The following ADGRD1 variants were observed in gnomAD, a reference collection of about 807,000 sequenced individuals.
ADGRD1 encodes adhesion G protein-coupled receptor D1.
In ADGRD1, 77 loss-of-function variants were observed where a neutral mutation model predicts 113.4. That is an observed-to-expected ratio of 0.68 (90% CI 0.57 to 0.82). ADGRD1 has a LOEUF of 0.82. Among genes scored for constraint, ADGRD1 ranks in the 40% least tolerant of loss-of-function variants. The pLI, the probability that ADGRD1 is intolerant of heterozygous loss-of-function variation, is 0.00. For missense variants in ADGRD1, 1,036 were observed against 1,139.1 expected (o/e 0.91, Z 1.30); for synonymous variants, 474 against 475.0 (o/e 1.00, Z 0.03).
At position 131,057,203 on chromosome 12, in the gene ADGRD1, A is replaced by G. The variant is rs1883942200; in HGVS notation, c.1474-19598A>G. ...GTGATAAACAGGTTTGAAGAACTGC[A>G]CGGAACGCTGCCTGGCGAGCGCCTG... On this transcript the variant is annotated intron_variant, in intron 13 of 24. Coordinates refer to ENST00000261654, the MANE Select transcript of ADGRD1 (RefSeq NM_198827.5). This position sits in a 1 kb window ranked among gnomAD's most constrained non-coding sequence, Gnocchi z 4.2. 6.6e-6 allele frequency among the ~76,000 whole-genome samples: 1 copy of G among 152,202 alleles called. No homozygotes were observed.
intron 12 of ADGRD1, 29 bp downstream of exon 12, chr12:131,006,076 G>A (rs1877072819): frequency 1.9e-6 from 3 of 1,573,126 alleles, no homozygotes; most frequent in Non-Finnish European, 1.7e-6. Context: ...CAGCTCAGGG[G>A]CGTGGGTGTG....
At chr12:131,058,469 T>A (rs1260862144) in intron 13 of ADGRD1, among the ~76,000 whole-genome samples, 6 of 152,246 alleles carry the variant, frequency 3.9e-5, no homozygotes, top group Admixed American at 3.9e-4. Flanking sequence ...TTTCCACTGA[T>A]CTTTCTTCAT....
In ADGRD1 at chr12:131,057,007, T is replaced by C. The variant is rs1267513985; in HGVS notation, c.1474-19794T>C. ...GTTGACATTCGACAAATAGATGAGA[T>C]TTAGGATGCTGGGAAGGAGGGGGAG... On this transcript the variant is annotated intron_variant, in intron 13 of 24. Transcript: ENST00000261654. This position sits in a 1 kb window ranked among gnomAD's most constrained non-coding sequence, Gnocchi z 4.2. 6.6e-6 allele frequency among the ~76,000 whole-genome samples: 1 copy of C among 151,952 alleles called. No homozygotes were observed. Among genetic ancestry groups the C allele is most frequent in the African/African-American group, 2.4e-5 (1 of 41,342 alleles).
intron 2 of ADGRD1, chr12:130,957,070 CAT>C (rs111201119): frequency 0.12 from 18,404 of 152,474 alleles, 1,288 homozygotes; most frequent in African/African-American, 0.17. Context: ...TGCATCCACA[CAT>C]GTGTCCACAC....
intron 8 of ADGRD1, among the ~76,000 whole-genome samples, chr12:130,996,242 T>C (rs1593319121): frequency 7.0e-6 from 1 of 143,108 alleles, no homozygotes; most frequent in East Asian, 2.0e-4. Flanking sequence ...CCCTTTCTAT[T>C]CCACAAAGCC....
intron 15 of ADGRD1, among the ~76,000 whole-genome samples, chr12:131,099,826 A>T (rs73149908): frequency 0.27 from 40,654 of 152,184 alleles, 6,085 homozygotes; most frequent in South Asian, 0.44. Flanking sequence ...CTATTAGCTC[A>T]GTTCAAGGGA....
intron 8 of ADGRD1, chr12:130,994,161 A>T: frequency 2.7e-6 from 1 of 374,738 alleles, no homozygotes; most frequent in South Asian, 1.9e-5. Flanking sequence ...GAAGGGAAGG[A>T]CCCGCGGGGT....
chr12:130,957,109 CAT>C (rs1869699700), intron 2 of ADGRD1: 2 of 152,364 alleles, frequency 1.3e-5, no homozygotes, highest in Non-Finnish European at 1.5e-5. Context: ...CACACATGCA[CAT>C]ATATACACAT....
In ADGRD1 at chr12:131,141,322, G is replaced by T. The variant is rs912065006; in HGVS notation, c.*2059G>T. ...TAGGCTCTATGTTTTGGCTTCTGCA[G>T]TACTTTTATTATCTATACATAATTT... On this transcript the variant is annotated 3_prime_UTR_variant, in exon 25 of 25. Coordinates refer to ENST00000261654, the MANE Select transcript of ADGRD1 (RefSeq NM_198827.5). 3 of 152,198 alleles carry T rather than the reference G, an allele frequency of 2.0e-5. No individual in the cohort carries two copies. Among genetic ancestry groups the T allele is most frequent in the African/African-American group, 4.8e-5 (2 of 41,444 alleles). The allele number at this position is 152,198 out of a possible 1,614,324, so 9.4% of individuals were successfully genotyped here.
At chr12:131,094,587 C>CG (rs1431458137) in intron 15 of ADGRD1, among the ~76,000 whole-genome samples, 4 of 152,080 alleles carry the variant, frequency 2.6e-5, no homozygotes, top group Admixed American at 6.5e-5. Context: ...GCAGCGCCCC[C>CG]CCGACTCCCC....
intron 4 of ADGRD1, among the ~76,000 whole-genome samples, chr12:130,974,579 C>A (rs367902276): frequency 6.6e-6 from 1 of 152,306 alleles, no homozygotes; most frequent in East Asian, 1.9e-4. Context: ...AAACTTATAA[C>A]CTGTTATTCT....
At chr12:130,994,834 GC>G (rs1875018773) in intron 8 of ADGRD1, among the ~76,000 whole-genome samples, 1 of 152,196 alleles carries the variant, frequency 6.6e-6, no homozygotes, top group Admixed American at 6.5e-5. Flanking sequence ...GCCGGGCATT[GC>G]CCCTGCCCTC....
At chr12:131,005,459 G>A (rs1375077133) in intron 11 of ADGRD1, among the ~76,000 whole-genome samples, 1 of 152,242 alleles carries the variant, frequency 6.6e-6, no homozygotes, top group African/African-American at 2.4e-5. Context: ...GTGACCAGGT[G>A]AAGGCATACA....
Position 131,139,173 on chromosome 12 carries a change from TG to T in ADGRD1, c.2538del (p.Thr847ProfsTer91), listed in dbSNP as rs1951184819. 2 of 1,612,560 alleles carry T rather than the reference TG, an allele frequency of 1.2e-6. No homozygotes were observed. The highest frequency in any genetic ancestry group is 2.7e-5 in the African/African-American group (2 of 74,864). On this transcript the variant is annotated frameshift_variant, in exon 25 of 25. Transcript: ENST00000261654. LOFTEE classifies it high-confidence loss of function. ...AKPFHSDLMN[G>X]TRPGMASTKL... Reference sequence around the variant, plus strand: ...CATCCCTTTATGCTTTGCAGATGAATGGGACCCGGCCAGGCATGGCCTCCAC... The same window carrying T: ...CATCCCTTTATGCTTTGCAGATGAATGGACCCGGCCAGGCATGGCCTCCAC...
chr12:131,105,705 GA>G, intron 16 of ADGRD1, 48 bp from the exon 17 acceptor site: 2 of 1,448,700 alleles, frequency 1.4e-6, no homozygotes, highest in Non-Finnish European at 1.9e-6. Context: ...CAGCCTGGGG[GA>G]CTGGGTCGGC....
intron 20 of ADGRD1, among the ~76,000 whole-genome samples, chr12:131,130,844 G>A (rs957309852): frequency 1.3e-5 from 2 of 152,192 alleles, no homozygotes; most frequent in Admixed American, 1.3e-4. Context: ...GGCTCTGGCC[G>A]CGCCCAGGCT....
In ADGRD1 at chr12:130,987,369, T is replaced by TG. The variant is rs766544060; in HGVS notation, c.745+24dup. The TG allele has an allele frequency of 8.1e-6, 13 of 1,613,140 alleles. No individual in the cohort carries two copies. Among genetic ancestry groups the TG allele is most frequent in the Non-Finnish European group, 1.1e-5 (13 of 1,179,738 alleles). On this transcript the variant is annotated intron_variant, in intron 6 of 24. Coordinates refer to ENST00000261654, the MANE Select transcript of ADGRD1 (RefSeq NM_198827.5). ...CCATTGGTCAGTGAGTGTGAAGGGC[T>TG]GGGGCAGATCCGCTGTCTGTTCCCA...
At chr12:131,110,704 G>T (rs574199679) in intron 18 of ADGRD1, among the ~76,000 whole-genome samples, 1 of 152,258 alleles carries the variant, frequency 6.6e-6, no homozygotes, top group South Asian at 2.1e-4. Flanking sequence ...ATCTGGTGGT[G>T]TTGCTTGCTA....
intron 2 of ADGRD1, among the ~76,000 whole-genome samples, chr12:130,959,133 G>A (rs1870049916): frequency 6.6e-6 from 1 of 152,250 alleles, no homozygotes; most frequent in Non-Finnish European, 1.5e-5. Context: ...TAGAGCGAGA[G>A]CCTGATCTTC....
Sources: allele counts gnomAD v4.1 joint callset (sites outside exome capture counted in the v4.1 genomes callset), GRCh38; gene constraint gnomAD v4.1.1; non-coding constraint Gnocchi (gnomAD v3.1); transcripts MANE v1.5; gene names NCBI Gene and HGNC (gene_info 2026-07-23, HGNC 2026-07-21).